Variants in IL1RAPL1 observed in about 807,000 individuals in gnomAD.
The protein encoded by IL1RAPL1 is interleukin 1 receptor accessory protein like 1, also known as interleukin-1 receptor accessory protein-like 1.
In IL1RAPL1, 3 loss-of-function variants were observed where a neutral mutation model predicts 48.4. The observed-to-expected ratio is 0.06, with a 90% CI of 0.03 to 0.16. IL1RAPL1 has a LOEUF of 0.16. Among genes scored for constraint, IL1RAPL1 ranks in the 10% least tolerant of loss-of-function variants. The pLI is 1.00. For missense variants in IL1RAPL1, 349 were observed against 530.6 expected, an observed-to-expected ratio of 0.66 and a Z score of 3.36; for synonymous variants, 185 against 187.7, an observed-to-expected ratio of 0.99 and a Z score of 0.12.
rs749995952 is a variant in IL1RAPL1, at chrX:29,029,387, C to T, written c.82+239962C>T. On this transcript the variant is annotated intron_variant, in intron 2 of 10. Transcript: ENST00000378993. ...CCTCCAAGTAGAAGGTATCTCTCTT[C>T]ACAGTGCTGCCTGGGATTGGGGGAG... is the stretch of plus-strand genomic sequence containing the variant. 3.6e-5 allele frequency among the ~76,000 whole-genome samples: 4 copies of T among 111,527 alleles called. No homozygotes were observed. In the South Asian group the frequency reaches 1.1e-3, roughly 31 times the overall value.
chrX:29,401,892 C>A (rs1043221244), intron 5 of IL1RAPL1, among the ~76,000 whole-genome samples: 3 of 110,174 alleles, frequency 2.7e-5, no homozygotes, highest in African/African-American at 9.9e-5. Flanking sequence ...GTATTTTAAA[C>A]ATCTTTTTTT....
intron 6 of IL1RAPL1, among the ~76,000 whole-genome samples, chrX:29,788,076 G>A (rs1929542580): frequency 3.8e-5 from 4 of 106,465 alleles, no homozygotes; most frequent in Non-Finnish European, 7.8e-5. Context: ...CAGACAGTAA[G>A]TGCATTGGAA....
rs1206603698 is a variant in IL1RAPL1 at position 29,803,007 on chromosome X, A to ATGTATATATGTG, written c.779-114456_779-114455insGTATATATGTGT. Among the ~76,000 whole-genome samples the ATGTATATATGTG allele has an allele frequency of 5.8e-4, 23 of 39,710 alleles. 1 individual carries two copies. The highest frequency in any genetic ancestry group is 2.8e-3 in the African/African-American group (23 of 8,285). The allele number at this position is 39,710 out of a possible 115,157, so 34.5% of individuals were successfully genotyped here. On this transcript the variant is annotated intron_variant, in intron 6 of 10. Coordinates refer to ENST00000378993, the MANE Select transcript of IL1RAPL1 (RefSeq NM_014271.4). ...TGTGTACATATATATGTATGCATAT[A>ATGTATATATGTG]TACATATGTGTACATATACATGTAT...
chrX:29,306,259 G>T (rs928681959), intron 3 of IL1RAPL1, among the ~76,000 whole-genome samples: 1 of 111,194 alleles, frequency 9.0e-6, no homozygotes, highest in East Asian at 2.8e-4. Flanking sequence ...GGCCGGGCGC[G>T]GTGGCTCACG....
chrX:29,309,630 T>A (rs1390572575), intron 3 of IL1RAPL1, among the ~76,000 whole-genome samples: 1 of 108,596 alleles, frequency 9.2e-6, no homozygotes, highest in African/African-American at 3.4e-5. Flanking sequence ...CTGGCCAATA[T>A]GGTGAAAACC....
At chrX:28,853,250 C>T (rs751940768) in intron 2 of IL1RAPL1, among the ~76,000 whole-genome samples, 4 of 111,444 alleles carry the variant, frequency 3.6e-5, no homozygotes, top group African/African-American at 9.8e-5. Flanking sequence ...GCAGTTTCCA[C>T]GGGGAAAGCT....
intron 2 of IL1RAPL1, among the ~76,000 whole-genome samples, chrX:29,159,404 C>T (rs1929637054): frequency 9.0e-6 from 1 of 111,615 alleles, no homozygotes; most frequent in South Asian, 3.7e-4. Flanking sequence ...CTCTCCTCTG[C>T]AGATATTCAA....
intron 1 of IL1RAPL1, among the ~76,000 whole-genome samples, chrX:28,588,738 G>C (rs1379238318): frequency 1.8e-5 from 2 of 112,422 alleles, no homozygotes; most frequent in Non-Finnish European, 3.7e-5. Context: ...ACATAGAGAA[G>C]AATAAGGCAA....
rs956093605 is a variant in IL1RAPL1, at chrX:29,955,040, T to C, written c.1373-62T>C. ...ATTTAATTTCTGAAAGAGAATCTAC[T>C]AGGACTTTCTGGACCAAATTTTCCA... On this transcript the variant is annotated intron_variant, in intron 10 of 10. Coordinates refer to ENST00000378993, the MANE Select transcript of IL1RAPL1 (RefSeq NM_014271.4). 7.6e-6 allele frequency: 7 copies of C among 922,059 alleles called. No individual in the cohort carries two copies. The East Asian group carries it at 1.8e-4, about 24-fold the overall frequency. The allele number at this position is 922,059 out of a possible 1,213,427, so 76.0% of individuals were successfully genotyped here.
At chrX:28,669,095 G>T (rs1371789878) in intron 1 of IL1RAPL1, among the ~76,000 whole-genome samples, 1 of 110,990 alleles carries the variant, frequency 9.0e-6, no homozygotes, top group Non-Finnish European at 1.9e-5. Context: ...GAACAAAGAT[G>T]GACTTTGTTC....
chrX:29,810,366 T>A (rs1276945745), intron 6 of IL1RAPL1, among the ~76,000 whole-genome samples: 4 of 109,766 alleles, frequency 3.6e-5, no homozygotes, highest in Non-Finnish European at 7.6e-5. Flanking sequence ...ATTTTTTGTA[T>A]TTTTAGTAGA....
chrX:29,184,256 T>A (rs7881112), intron 2 of IL1RAPL1, among the ~76,000 whole-genome samples: 23,681 of 110,910 alleles, frequency 0.21, 2,221 homozygotes, highest in East Asian at 0.44. Context: ...AGTCTCTGTG[T>A]TCCCAGCAAC....
intron 1 of IL1RAPL1, among the ~76,000 whole-genome samples, chrX:28,640,733 A>C (rs1934528267): frequency 9.0e-6 from 1 of 110,715 alleles, no homozygotes; most frequent in Admixed American, 9.7e-5. Flanking sequence ...TAAAAAAAAA[A>C]AACTCATAAC....
chrX:29,288,151 T>G (rs1932312921), intron 3 of IL1RAPL1, among the ~76,000 whole-genome samples: 1 of 111,488 alleles, frequency 9.0e-6, no homozygotes, highest in African/African-American at 3.3e-5. Flanking sequence ...ATGTATTTAT[T>G]TATTTATTTT....
At chrX:29,690,106 G>C (rs1390038723) in intron 6 of IL1RAPL1, among the ~76,000 whole-genome samples, 2 of 111,825 alleles carry the variant, frequency 1.8e-5, no homozygotes, top group African/African-American at 6.5e-5. Flanking sequence ...GCTAAGTAAA[G>C]TTGACAGATA....
chrX:29,692,048 GT>G (rs1926789981), intron 6 of IL1RAPL1, among the ~76,000 whole-genome samples: 1 of 112,039 alleles, frequency 8.9e-6, no homozygotes, highest in Non-Finnish European at 1.9e-5. Context: ...TCTCATTACA[GT>G]TGTATGTGTA....
chrX:29,403,771 A>C (rs922365188), intron 5 of IL1RAPL1, among the ~76,000 whole-genome samples: 4 of 111,549 alleles, frequency 3.6e-5, no homozygotes, highest in Non-Finnish European at 5.7e-5. Context: ...TAGTTAGAAA[A>C]CTGGTTCTCA....
At position 29,416,900 on chromosome X, in the gene IL1RAPL1, G is replaced by A. The variant is rs145334794; in HGVS notation, c.703+17592G>A. On this transcript the variant is annotated intron_variant, in intron 5 of 10. Coordinates refer to ENST00000378993, the MANE Select transcript of IL1RAPL1 (RefSeq NM_014271.4). Reference sequence around the variant, plus strand: ...TTGGAGGAAGGTCACTGAGACTCTAGTAATTTTTTTATTATGTTAAAATTT... The same window carrying A: ...TTGGAGGAAGGTCACTGAGACTCTAATAATTTTTTTATTATGTTAAAATTT... Among the ~76,000 whole-genome samples, 39 of 111,231 alleles carry A rather than the reference G, an allele frequency of 3.5e-4. No homozygotes were observed. In the East Asian group the frequency reaches 0.011, roughly 31 times the overall value.
chrX:29,323,708 ATTT>A (rs757667245), intron 3 of IL1RAPL1, among the ~76,000 whole-genome samples: 1 of 29,506 alleles, frequency 3.4e-5, no homozygotes, highest in Non-Finnish European at 4.9e-5. Flanking sequence ...CTCATACTGA[ATTT>A]TTTATATATA....
Sources: gnomAD v4.1 joint callset for allele counts (sites outside exome capture counted in the v4.1 genomes callset) on GRCh38, gnomAD v4.1.1 for gene constraint, MANE v1.5 for transcripts, NCBI Gene and HGNC (gene_info 2026-07-23, HGNC 2026-07-21) for gene names.